ALKBH3: variants seen among roughly 807,000 people sequenced by gnomAD.
ALKBH3 encodes the protein alpha-ketoglutarate-dependent dioxygenase alkB homolog 3.
ALKBH3 carries 51 observed loss-of-function variants against 43.9 expected under a neutral mutation model. The observed-to-expected ratio is 1.16, with a 90% confidence interval of 0.93 to 1.47. The LOEUF (loss-of-function observed/expected upper bound fraction) is 1.47, where lower values mean the gene tolerates loss of function less well. ALKBH3 is among the 40% of genes most tolerant of loss of function. The pLI is 0.00. For synonymous variants in ALKBH3, 102 were observed against 115.2 expected (o/e 0.89, Z 0.73); for missense variants, 361 against 351.9 (o/e 1.03, Z -0.21).
chr11:43,908,559 A>G (rs1226822321), intron 8 of ALKBH3, among the ~76,000 whole-genome samples: 1 of 151,944 alleles, frequency 6.6e-6, no homozygotes, highest in African/African-American at 2.4e-5. Context: ...TTTAAGTTGC[A>G]TTTTTTGGAA....
intron 7 of ALKBH3, among the ~76,000 whole-genome samples, chr11:43,896,658 A>G (rs1422866950): frequency 6.6e-6 from 1 of 152,172 alleles, no homozygotes; most frequent in Non-Finnish European, 1.5e-5. Context: ...GTATCCTTCA[A>G]TCCAATCAAG....
chr11:43,893,791 G>T (rs970623176), intron 7 of ALKBH3, among the ~76,000 whole-genome samples: 1 of 152,088 alleles, frequency 6.6e-6, no homozygotes, highest in Admixed American at 6.6e-5. Flanking sequence ...GATTTGGCTG[G>T]CTCATAACTT....
chr11:43,896,923 A>AT (rs562252373), intron 7 of ALKBH3, among the ~76,000 whole-genome samples: 4 of 151,328 alleles, frequency 2.6e-5, no homozygotes, highest in South Asian at 2.1e-4. Context: ...TGGCTTTATT[A>AT]TTTTTTTTTA....
At chr11:43,898,525 T>TA (rs1951836412) in intron 7 of ALKBH3, 1 of 850,062 alleles carries the variant, frequency 1.2e-6, no homozygotes, top group Admixed American at 1.7e-5. Flanking sequence ...CCTGCTGAGA[T>TA]ACGTTCTCTC....
chr11:43,891,920 A>C (rs1951786853), intron 6 of ALKBH3, 121 bp from the exon 7 acceptor site: 9 of 721,810 alleles, frequency 1.2e-5, no homozygotes, highest in Non-Finnish European at 2.1e-5. Flanking sequence ...TTTGGGTCAC[A>C]GCCCATTCTT....
Position 43,895,491 on chromosome 11 carries a change from A to G in ALKBH3, c.459+3362A>G, listed in dbSNP as rs143743745. On this transcript the variant is annotated intron_variant, in intron 7 of 9. Coordinates refer to ENST00000302708, the MANE Select transcript of ALKBH3 (RefSeq NM_139178.4). ...CGCAGCTATGTGGAACTGTCAGTCC[A>G]TTGAACCTCTTTTTGTTGGTAAATT... 1.2e-3 allele frequency among the ~76,000 whole-genome samples: 184 copies of G among 152,308 alleles called. 1 individual carries two copies. Among genetic ancestry groups the G allele is most frequent in the African/African-American group, 4.0e-3 (167 of 41,564 alleles).
intron 8 of ALKBH3, among the ~76,000 whole-genome samples, chr11:43,903,280 A>G (rs548773854): frequency 6.6e-6 from 1 of 152,294 alleles, no homozygotes; most frequent in African/African-American, 2.4e-5. Context: ...AGCTTTTGCT[A>G]TATTTGTTTT....
intron 4 of ALKBH3, among the ~76,000 whole-genome samples, chr11:43,885,008 A>C (rs941239551): frequency 1.3e-5 from 2 of 152,134 alleles, no homozygotes; most frequent in African/African-American, 4.8e-5. Flanking sequence ...CTCCCACCTC[A>C]GCCTCCCAAA....
chr11:43,889,745 T>C lies in ALKBH3; in HGVS notation c.287T>C (p.Phe96Ser). The C allele has an allele frequency of 6.2e-7, 1 of 1,614,110 alleles. No homozygotes were observed. The highest frequency in any genetic ancestry group is 8.5e-7 in the Non-Finnish European group (1 of 1,180,002). Residue 96 changes from phenylalanine (F) to serine (S), a missense_variant, in exon 6 of 10, where the codon TTT (phenylalanine) becomes TCT (serine). Physicochemically the swap from Phe to Ser is radical, Grantham distance 155. Coordinates refer to ENST00000302708, the MANE Select transcript of ALKBH3 (RefSeq NM_139178.4). ...GVSRVCLYPG[F>S]VDVKEADWIL... ...CCCAGGGTCTGTTTGTATCCTGGCTTTGTTGACGTGAAAGAAGCTGACTGG... is the reference window on the plus strand; with the variant it reads ...CCCAGGGTCTGTTTGTATCCTGGCTCTGTTGACGTGAAAGAAGCTGACTGG...
At chr11:43,899,446 C>T (rs1050689922) in intron 7 of ALKBH3, 7 of 703,956 alleles carry the variant, frequency 9.9e-6, no homozygotes, top group African/African-American at 5.3e-5. Context: ...TGATAGGCTC[C>T]GAGGATTTCA....
chr11:43,888,422 TA>T (rs920527137), intron 5 of ALKBH3, among the ~76,000 whole-genome samples: 6 of 152,234 alleles, frequency 3.9e-5, no homozygotes, highest in African/African-American at 1.4e-4. Context: ...TTTCAGTAGT[TA>T]AAGCATATAC....
At chr11:43,918,005 A>G (rs1382395631) in intron 8 of ALKBH3, among the ~76,000 whole-genome samples, 1 of 152,252 alleles carries the variant, frequency 6.6e-6, no homozygotes, top group Non-Finnish European at 1.5e-5. Flanking sequence ...AGAAGCACCC[A>G]TACAGTAATA....
chr11:43,883,065 T>C lies in ALKBH3; in HGVS notation c.80-20T>C. 1 of 1,605,172 alleles carries C rather than the reference T, an allele frequency of 6.2e-7. No individual in the cohort carries two copies. The highest frequency in any genetic ancestry group is 8.5e-7 in the Non-Finnish European group (1 of 1,172,364). ...AACAGACTTTCCCCTGGTTTGAGGC[T>C]GTCCCCTCTCTTGCTTCAGCTACCA... On this transcript the variant is annotated intron_variant, in intron 2 of 9. Coordinates refer to ENST00000302708, the MANE Select transcript of ALKBH3 (RefSeq NM_139178.4).
rs970549137 is a variant in ALKBH3, at chr11:43,886,637, C to T, written c.250C>T (p.Pro84Ser). The T allele has an allele frequency of 3.1e-6, 5 of 1,613,960 alleles. No homozygotes were observed. In the African/African-American group the frequency reaches 5.3e-5, roughly 17 times the overall value. ...REGVYEISLS[P>S]TGVSRVCLYP... Reference sequence around the variant, plus strand: ...GGGTGTGTATGAAATCAGCCTGTCACCCACAGGTGTATCTAGGTAAGCAAA... The same window carrying T: ...GGGTGTGTATGAAATCAGCCTGTCATCCACAGGTGTATCTAGGTAAGCAAA... The change falls in exon 5 of 10, where the codon CCC becomes TCC. Residue 84 changes from proline to serine, a missense_variant. Physicochemically the swap from Pro to Ser is moderately conservative, Grantham distance 74. Coordinates refer to ENST00000302708, the MANE Select transcript of ALKBH3 (RefSeq NM_139178.4).
rs531884638 is a variant in ALKBH3 at position 43,905,343 on chromosome 11, G to A, written c.669+3618G>A. Among the ~76,000 whole-genome samples, 71 of 152,162 alleles carry A rather than the reference G, an allele frequency of 4.7e-4. 1 individual carries two copies. The Middle Eastern group carries it at 0.01, about 22-fold the overall frequency. ...GGAGATCTTTGTTTCGTAAGCACCA[G>A]TGCCCTCTGATTCATGCATCAGCTC... On this transcript the variant is annotated intron_variant, in intron 8 of 9. Transcript: ENST00000302708.
Position 43,920,231 on chromosome 11 carries a change from A to T in ALKBH3, c.*221A>T. 1 of 502,362 alleles carries T rather than the reference A, an allele frequency of 2.0e-6. No individual in the cohort carries two copies. The highest frequency in any genetic ancestry group is 3.6e-6 in the Non-Finnish European group (1 of 279,904). The allele number at this position is 502,362 out of a possible 1,614,324, so 31.1% of individuals were successfully genotyped here. Reference sequence around the variant, plus strand: ...TCCCTAACCACAGCTCAAAATCGCTATCATCTTTAGGCAAATTAAAATCTA... The same window carrying T: ...TCCCTAACCACAGCTCAAAATCGCTTTCATCTTTAGGCAAATTAAAATCTA... On this transcript the variant is annotated 3_prime_UTR_variant, in exon 10 of 10. Transcript: ENST00000302708.
At chr11:43,889,496 C>G (rs1034079230) in intron 5 of ALKBH3, among the ~76,000 whole-genome samples, 2 of 152,178 alleles carry the variant, frequency 1.3e-5, no homozygotes, top group South Asian at 4.1e-4. Flanking sequence ...CCTATCATCC[C>G]TTTATCCTTC....
At chr11:43,884,082 C>T in intron 4 of ALKBH3, 65 bp downstream of exon 4, 2 of 1,587,084 alleles carry the variant, frequency 1.3e-6, no homozygotes, top group Middle Eastern at 1.7e-4. Flanking sequence ...GGAATCTTTC[C>T]TCACTGTTTT....
intron 8 of ALKBH3, chr11:43,909,750 A>G (rs1230979860): frequency 6.6e-6 from 1 of 152,170 alleles, no homozygotes; most frequent in African/African-American, 2.4e-5. Flanking sequence ...GGCTAGAGAA[A>G]TCTCTTTTAC....
Sources: gnomAD v4.1 joint callset for allele counts (sites outside exome capture counted in the v4.1 genomes callset) on GRCh38, gnomAD v4.1.1 for gene constraint, MANE v1.5 for transcripts, NCBI Gene and HGNC (gene_info 2026-07-23, HGNC 2026-07-21) for gene names.